The following TTN variants were observed in gnomAD, a reference collection of about 807,000 sequenced individuals.
The protein encoded by TTN is titin, also known as connectin.
TTN carries 1,525 observed loss-of-function variants against 3,223.0 expected under a neutral mutation model. That is an observed-to-expected ratio of 0.47 (90% CI 0.45 to 0.49). The LOEUF (loss-of-function observed/expected upper bound fraction) is 0.49, where lower values mean the gene tolerates loss of function less well. Among genes scored for constraint, TTN ranks in the 20% least tolerant of loss-of-function variants. The pLI is 0.00. For missense variants in TTN, 40,786 were observed against 43,424.0 expected (o/e 0.94, Z 5.40); for synonymous variants, 14,094 against 15,161.0 (o/e 0.93, Z 5.17).
At chr2:178,687,686 A>G (rs927875528) in intron 127 of TTN, among the ~76,000 whole-genome samples, 1 of 152,182 alleles carries the variant, frequency 6.6e-6, no homozygotes, top group Non-Finnish European at 1.5e-5. Flanking sequence ...AAGGATTATA[A>G]TATAAAATAT....
Position 178,551,775 on chromosome 2 carries a change from A to T in TTN, c.91125T>A (p.Asn30375Lys). 6.2e-7 allele frequency: 1 copy of T among 1,613,866 alleles called. No homozygotes were observed. The highest frequency in any genetic ancestry group is 8.5e-7 in the Non-Finnish European group (1 of 1,179,794). The change falls in exon 335 of 363, where the codon AAT (asparagine) becomes AAA (lysine). Residue 30375 changes from asparagine to lysine, a missense_variant. Transcript: ENST00000589042. ...ERNSILWQKV[N>K]TSPISGREYR... ...ATTCTCTTCCAGAGATTGGTGATGT[A>T]TTAACTTTTTGCCAGAGGATGCTAT...
chr2:178,704,114 G>T (rs775252258), intron 106 of TTN, 33 bp downstream of exon 106: 1 of 1,606,970 alleles, frequency 6.2e-7, no homozygotes, highest in South Asian at 1.1e-5. Flanking sequence ...GACCTATGCT[G>T]TACCCACAAG....
Position 178,543,310 on chromosome 2 carries a change from A to G in TTN, c.96663T>C (p.Leu32221=). 1 of 1,613,784 alleles carries G rather than the reference A, an allele frequency of 6.2e-7. No individual in the cohort carries two copies. The highest frequency in any genetic ancestry group is 8.5e-7 in the Non-Finnish European group (1 of 1,179,784). The part of the protein sequence containing the change: ...VVDVTKSTVT[L]AWEKPLYDGG... ...CATCGTAGAGTGGTTTTTCCCAGGC[A>G]AGGGTAACAGTGGATTTGGTGACAT... is the stretch of plus-strand genomic sequence containing the variant. Residue 32221 remains leucine, a synonymous_variant, in exon 347 of 363, where the codon CTT becomes CTC. Coordinates refer to ENST00000589042, the MANE Select transcript of TTN (RefSeq NM_001267550.2).
chr2:178,679,721 G>A (rs1165039299), intron 140 of TTN, 39 bp from the exon 141 acceptor site: 5 of 1,573,638 alleles, frequency 3.2e-6, no homozygotes, highest in South Asian at 1.2e-5. Flanking sequence ...AATTTTGCAG[G>A]AAAGAAATAA....
In TTN at chr2:178,635,575, G is replaced by C. The variant is rs2060335468; in HGVS notation, c.41749C>G (p.Pro13917Ala). 6.3e-7 allele frequency: 1 copy of C among 1,593,682 alleles called. No homozygotes were observed. Among genetic ancestry groups the C allele is most frequent in the African/African-American group, 1.3e-5 (1 of 74,640 alleles). Reference protein sequence around the residue: ...FKGYDEIPAEPNDKTEILRDG... With the variant: ...FKGYDEIPAEANDKTEILRDG... The stretch of plus-strand genomic sequence containing the variant: ...CTCAGTATTTCAGTCTTATCATTTG[G>C]TTCCGCAGGGATTTCATCATATCCT... The change falls in exon 227 of 363, where the codon CCA becomes GCA. Residue 13917 changes from proline to alanine, a missense_variant. By Grantham distance (27) the Pro-to-Ala change is conservative. Transcript: ENST00000589042.
At position 178,557,987 on chromosome 2, in the gene TTN, T is replaced by G. The variant is rs375198596; in HGVS notation, c.87367A>C (p.Ser29123Arg). The G allele has an allele frequency of 1.1e-4, 175 of 1,613,590 alleles. No homozygotes were observed. The highest frequency in any genetic ancestry group is 1.3e-4 in the Non-Finnish European group (158 of 1,179,872). ...TTAATGAAAGCTTTGGTTGTACCAC[T>G]GGAGTTGGCAGCAGTGATTTCATAT... ...GRYEITAANS[S>R]GTTKAFINIV... The change falls in exon 328 of 363, where the codon AGT (serine) becomes CGT (arginine). Residue 29123 changes from serine to arginine, a missense_variant. By Grantham distance (110) the Ser-to-Arg change is moderately radical. Transcript: ENST00000589042.
chr2:178,558,835 A>G (rs1391412013), intron 326 of TTN, 198 bp from the exon 327 acceptor site: 2 of 557,986 alleles, frequency 3.6e-6, no homozygotes, highest in African/African-American at 4.0e-5. Flanking sequence ...ATGCTATAGC[A>G]TTCAAATCCA....
chr2:178,616,933 T>C lies in TTN; in HGVS notation c.47956A>G (p.Ser15986Gly). 1 of 1,612,726 alleles carries C rather than the reference T, an allele frequency of 6.2e-7. No individual in the cohort carries two copies. The highest frequency in any genetic ancestry group is 1.7e-5 in the Admixed American group (1 of 59,928). ...VPNPITILVP[S>G]TGYPRPTATW... Reference sequence around the variant, plus strand: ...GCAGTTGGCCTTGGATAGCCTGTACTTGGAACCAGGATCGTGATAGGATTT... The same window carrying C: ...GCAGTTGGCCTTGGATAGCCTGTACCTGGAACCAGGATCGTGATAGGATTT... Residue 15986 changes from serine (S) to glycine (G), a missense_variant, in exon 256 of 363, where the codon AGT (serine) becomes GGT (glycine). Coordinates refer to ENST00000589042, the MANE Select transcript of TTN (RefSeq NM_001267550.2).
At chr2:178,699,458 C>T (rs1307727287) in intron 111 of TTN, among the ~76,000 whole-genome samples, 6 of 107,944 alleles carry the variant, frequency 5.6e-5, no homozygotes, top group African/African-American at 2.1e-4. Flanking sequence ...TTAGCCCAGG[C>T]CGGATTGCAG....
chr2:178,778,255 A>T (rs980180983), intron 24 of TTN: 13 of 421,618 alleles, frequency 3.1e-5, no homozygotes, highest in African/African-American at 2.6e-4. Flanking sequence ...TCTTTTCCTT[A>T]CCACTTGGAT....
Position 178,746,509 on chromosome 2 carries a change from T to C in TTN, c.11312-4588A>G, listed in dbSNP as rs1160124806. On this transcript the variant is annotated intron_variant, in intron 47 of 362. Coordinates refer to ENST00000589042, the MANE Select transcript of TTN (RefSeq NM_001267550.2). ...AAGGTGTTCTTGATGATGTGGTGTG[T>C]TCCAAATCAAACTCCATGACATGCT... 14 of 1,613,162 alleles carry C rather than the reference T, an allele frequency of 8.7e-6. No individual in the cohort carries two copies. In the East Asian group the frequency reaches 2.5e-4, roughly 28 times the overall value.
At position 178,605,474 on chromosome 2, in the gene TTN, T is replaced by C; in HGVS notation, c.53821A>G (p.Asn17941Asp). 6.2e-7 allele frequency: 1 copy of C among 1,611,914 alleles called. No homozygotes were observed. The stretch of plus-strand genomic sequence containing the variant: ...GATGGTTCACTTTCACCAATTTCAT[T>C]GACAGCTTTGACACGGAACTCATAC... ...QMYEFRVKAV[N>D]EIGESEPSLP... The change falls in exon 279 of 363, where the codon AAT (asparagine) becomes GAT (aspartate). Residue 17941 changes from asparagine to aspartate, a missense_variant. Asn to Asp is a conservative substitution (Grantham distance 23, BLOSUM62 1). Coordinates refer to ENST00000589042, the MANE Select transcript of TTN (RefSeq NM_001267550.2).
intron 75 of TTN, 50 bp from the exon 76 acceptor site, chr2:178,722,987 G>T: frequency 6.3e-7 from 1 of 1,595,832 alleles, no homozygotes; most frequent in Non-Finnish European, 8.5e-7. Flanking sequence ...GAATATCAAA[G>T]AAACTATGCT....
intron 9 of TTN, among the ~76,000 whole-genome samples, chr2:178,793,004 G>C (rs2093592670): frequency 2.0e-5 from 3 of 152,210 alleles, no homozygotes; most frequent in African/African-American, 4.8e-5. Flanking sequence ...AAGGAGCCAG[G>C]AAGCAGTTGC....
Position 178,701,565 on chromosome 2 carries a change from T to C in TTN, c.30561A>G (p.Pro10187=). The part of the protein sequence containing the change: ...KPPDIPDSRV[P]IPTMPIRAVP... ...CTGCTCTGATAGGCATGGTTGGGAT[T>C]GGAACTCTGGAGTCAGGAATATCTG... The change falls in exon 110 of 363, where the codon CCA becomes CCG. Residue 10187 remains proline (P), a synonymous_variant. Coordinates refer to ENST00000589042, the MANE Select transcript of TTN (RefSeq NM_001267550.2). The C allele has an allele frequency of 6.2e-7, 1 of 1,613,770 alleles. No individual in the cohort carries two copies. Among genetic ancestry groups the C allele is most frequent in the Non-Finnish European group, 8.5e-7 (1 of 1,179,756 alleles).
At chr2:178,639,911 T>C in intron 222 of TTN, 123 bp from the exon 223 acceptor site, 2 of 1,424,354 alleles carry the variant, frequency 1.4e-6, no homozygotes, top group East Asian at 2.3e-5. Flanking sequence ...TTTAAGAGAA[T>C]AGTATATTAA....
intron 12 of TTN, 56 bp from the exon 13 acceptor site, chr2:178,789,553 G>T: frequency 6.2e-7 from 1 of 1,606,646 alleles, no homozygotes; most frequent in South Asian, 1.1e-5. Context: ...AACACACATA[G>T]TATGACCCTT....
intron 47 of TTN, chr2:178,746,027 C>G: frequency 6.2e-7 from 1 of 1,613,450 alleles, no homozygotes; most frequent in Non-Finnish European, 8.5e-7. Flanking sequence ...CTCTCCTACA[C>G]AATTCACAGC....
chr2:178,708,942 A>G (rs1577780766), intron 99 of TTN, among the ~76,000 whole-genome samples: 1 of 152,334 alleles, frequency 6.6e-6, no homozygotes, highest in East Asian at 1.9e-4. Flanking sequence ...AGATAAAGAT[A>G]TCCTTAAACA....
Sources: allele counts gnomAD v4.1 joint callset (sites outside exome capture counted in the v4.1 genomes callset), GRCh38; gene constraint gnomAD v4.1.1; transcripts MANE v1.5; gene names NCBI Gene and HGNC (gene_info 2026-07-23, HGNC 2026-07-21).